DDX4: variants seen among roughly 807,000 people sequenced by gnomAD.
The protein encoded by DDX4 is DEAD-box helicase 4, also known as probable ATP-dependent RNA helicase DDX4.
A neutral mutation model predicts 100.0 loss-of-function variants in DDX4; 25 were observed. That is an observed-to-expected ratio of 0.25 (90% confidence interval 0.18 to 0.35). The LOEUF is 0.35. Ranked by LOEUF, DDX4 falls within the 10% of genes least tolerant of loss-of-function variation. DDX4 has a pLI of 1.00. For missense variants in DDX4, 635 were observed against 882.4 expected (o/e 0.72, Z 3.55); for synonymous variants, 259 against 275.7 (o/e 0.94, Z 0.60).
At chr5:55,791,967 C>T (rs1171831187) in intron 16 of DDX4, among the ~76,000 whole-genome samples, 2 of 151,748 alleles carry the variant, frequency 1.3e-5, no homozygotes, top group East Asian at 3.9e-4. Context: ...CACACACACA[C>T]ACAAAAATTA....
Position 55,767,947 on chromosome 5 carries a change from AC to A in DDX4, c.394+9del. 6.2e-7 allele frequency: 1 copy of A among 1,613,602 alleles called. No individual in the cohort carries two copies. The highest frequency in any genetic ancestry group is 8.5e-7 in the Non-Finnish European group (1 of 1,179,538). On this transcript the variant is annotated splice_region_variant and intron_variant, in intron 7 of 21. Transcript: ENST00000505374. The stretch of plus-strand genomic sequence containing the variant: ...GGGTTTTCCAAGAGAGGCGGTAAGG[AC>A]CACATTTTGGAACAATTTGTACTTA...
At position 55,785,863 on chromosome 5, in the gene DDX4, G is replaced by T; in HGVS notation, c.856G>T (p.Ala286Ser). 6.2e-7 allele frequency: 1 copy of T among 1,608,650 alleles called. No individual in the cohort carries two copies. The highest frequency in any genetic ancestry group is 8.5e-7 in the Non-Finnish European group (1 of 1,175,220). ...AGTGTCTGGACATGATGCACCACCA[G>T]CAATTCTGGTCAGTGTATTAATTGT... is the stretch of plus-strand genomic sequence containing the variant. ...VEVSGHDAPP[A>S]ILTFEEANLC... Residue 286 changes from alanine to serine, a missense_variant, in exon 13 of 22, where the codon GCA becomes TCA. Coordinates refer to ENST00000505374, the MANE Select transcript of DDX4 (RefSeq NM_024415.3).
intron 6 of DDX4, among the ~76,000 whole-genome samples, chr5:55,766,706 T>G (rs1422200961): frequency 2.0e-5 from 3 of 152,142 alleles, no homozygotes; most frequent in Non-Finnish European, 4.4e-5. Context: ...ACACAGGAAC[T>G]TAGCTAATAA....
chr5:55,764,161 A>G, intron 6 of DDX4, 97 bp downstream of exon 6: 1 of 871,508 alleles, frequency 1.1e-6, no homozygotes, highest in South Asian at 1.5e-5. Flanking sequence ...GCCAATTCTA[A>G]CTTATTTAAA....
chr5:55,744,502 A>C (rs1339276999), intron 2 of DDX4, among the ~76,000 whole-genome samples: 1 of 152,254 alleles, frequency 6.6e-6, no homozygotes, highest in African/African-American at 2.4e-5. Flanking sequence ...AAAATTACTC[A>C]AATTGTCATT....
At chr5:55,760,703 T>A (rs1192905569) in intron 4 of DDX4, among the ~76,000 whole-genome samples, 1 of 152,156 alleles carries the variant, frequency 6.6e-6, no homozygotes, top group African/African-American at 2.4e-5. Context: ...TAGTATTAAT[T>A]TTTTAAGAGT....
chr5:55,810,648 A>C (rs983620664), intron 18 of DDX4, among the ~76,000 whole-genome samples: 1 of 152,148 alleles, frequency 6.6e-6, no homozygotes, highest in Non-Finnish European at 1.5e-5. Context: ...CTTACCATAC[A>C]ACTCTTAAAT....
At chr5:55,812,629 T>G (rs1744185280) in intron 18 of DDX4, among the ~76,000 whole-genome samples, 1 of 152,152 alleles carries the variant, frequency 6.6e-6, no homozygotes, top group Non-Finnish European at 1.5e-5. Context: ...GGCTTAGACT[T>G]GTCTTTCACT....
chr5:55,794,880 T>C (rs1237488199), intron 17 of DDX4, among the ~76,000 whole-genome samples: 1 of 152,140 alleles, frequency 6.6e-6, no homozygotes, highest in East Asian at 1.9e-4. Flanking sequence ...TTATGATATA[T>C]CCGTTCCCTT....
chr5:55,803,163 T>A (rs920151479), intron 18 of DDX4, among the ~76,000 whole-genome samples: 1 of 149,800 alleles, frequency 6.7e-6, no homozygotes, highest in African/African-American at 2.5e-5. Flanking sequence ...GTGTTCTCAT[T>A]GTTCAATTCC....
intron 7 of DDX4, among the ~76,000 whole-genome samples, chr5:55,769,156 C>T (rs867979742): frequency 2.0e-5 from 3 of 152,194 alleles, no homozygotes; most frequent in South Asian, 4.1e-4. Flanking sequence ...GTTTCTGTTG[C>T]GGTGGCTTTT....
intron 3 of DDX4, among the ~76,000 whole-genome samples, chr5:55,757,157 T>G (rs1258294913): frequency 6.6e-6 from 1 of 152,184 alleles, no homozygotes; most frequent in African/African-American, 2.4e-5. Flanking sequence ...AGGTGGTGTT[T>G]GCTTACATGA....
intron 19 of DDX4, among the ~76,000 whole-genome samples, chr5:55,814,187 C>G (rs1561521087): frequency 6.6e-6 from 1 of 152,058 alleles, no homozygotes; most frequent in Non-Finnish European, 1.5e-5. Flanking sequence ...TTAGTAGATC[C>G]TAAAATATCA....
intron 18 of DDX4, among the ~76,000 whole-genome samples, chr5:55,810,684 T>C (rs1400905338): frequency 6.6e-6 from 1 of 152,204 alleles, no homozygotes; most frequent in African/African-American, 2.4e-5. Flanking sequence ...AAAAATAATT[T>C]CTAGAATCCC....
chr5:55,776,106 C>T (rs1561495817), intron 7 of DDX4, among the ~76,000 whole-genome samples: 1 of 152,032 alleles, frequency 6.6e-6, no homozygotes, highest in South Asian at 2.1e-4. Context: ...GGTGACCGAA[C>T]GAGACTCTGT....
At chr5:55,766,438 GT>G (rs1054625390) in intron 6 of DDX4, among the ~76,000 whole-genome samples, 2,104 of 117,144 alleles carry the variant, frequency 0.018, 37 homozygotes, top group African/African-American at 0.055. Flanking sequence ...TAGTAGTTTT[GT>G]TTTTTTTTTT....
chr5:55,746,274 A>T (rs1259591106), intron 3 of DDX4, 53 bp downstream of exon 3: 9 of 1,498,882 alleles, frequency 6.0e-6, no homozygotes, highest in Non-Finnish European at 9.1e-7. Context: ...GGTTTCATCT[A>T]GTGAATGAAG....
intron 18 of DDX4, among the ~76,000 whole-genome samples, chr5:55,803,677 C>T (rs1314646285): frequency 6.6e-5 from 10 of 151,126 alleles, no homozygotes; most frequent in Non-Finnish European, 1.3e-4. Context: ...TATGGATGCA[C>T]AGTATTCCAT....
rs1742647180 is a variant in DDX4 at position 55,792,558 on chromosome 5, A to T, written c.1303-83A>T. 2.9e-6 allele frequency: 2 copies of T among 693,524 alleles called. No individual in the cohort carries two copies. 43.0% of individuals were successfully genotyped at this position (693,524 alleles called of 1,614,324 possible). A position where few individuals can be genotyped will look rare whatever the true frequency, so the allele number is the denominator to read the frequency against. On this transcript the variant is annotated intron_variant, in intron 16 of 21. Transcript: ENST00000505374. ...GTATTTTTTTTTTTTTCTTAACAGT[A>T]TTTTAACAGTTGGAATTGTAGAGAA...
Sources: gnomAD v4.1 joint callset for allele counts (sites outside exome capture counted in the v4.1 genomes callset) on GRCh38, gnomAD v4.1.1 for gene constraint, MANE v1.5 for transcripts, NCBI Gene and HGNC (gene_info 2026-07-23, HGNC 2026-07-21) for gene names.